The following FOCAD variants were observed in gnomAD, a reference collection of about 807,000 sequenced individuals.
FOCAD encodes KIAA1797.
FOCAD carries 198 observed loss-of-function variants against 225.6 expected under a neutral mutation model. The ratio of observed to expected loss-of-function variants is 0.88; its 90% CI spans 0.78 to 0.99. The LOEUF is 0.99. Ranked by LOEUF, FOCAD falls within the 50% of genes least tolerant of loss-of-function variation. The probability of loss-of-function intolerance (pLI) is 0.00; values close to 1 mark genes in which losing one functional copy is unlikely to be tolerated. For synonymous variants in FOCAD, 897 were observed against 755.0 expected, an observed-to-expected ratio of 1.19 and a Z score of -3.08; for missense variants, 2,713 against 2,123.6, an observed-to-expected ratio of 1.28 and a Z score of -5.46.
At chr9:20,854,285 T>C in intron 15 of FOCAD, among the ~76,000 whole-genome samples, 1 of 151,798 alleles carries the variant, frequency 6.6e-6, no homozygotes, top group Admixed American at 6.6e-5. Context: ...GCTCTGATTC[T>C]TCTGAGGTTC....
chr9:20,754,947 C>T (rs1828917130), intron 5 of FOCAD, among the ~76,000 whole-genome samples: 1 of 152,172 alleles, frequency 6.6e-6, no homozygotes, highest in Admixed American at 6.6e-5. Context: ...ATGTATTACA[C>T]ACCAATTTGA....
rs1224683564 is a variant in FOCAD at position 20,986,285 on chromosome 9, C to A, written c.4729-3C>A. ...TAAACAATTTTTTTTTTTTTTTTTG[C>A]AGAGCAACATAGAAAAAGCTGCCTT... On this transcript the variant is annotated splice_region_variant and splice_polypyrimidine_tract_variant and intron_variant, in intron 39 of 43. Transcript: ENST00000338382. 2.2e-4 allele frequency: 57 copies of A among 262,534 alleles called. No homozygotes were observed. The highest frequency in any genetic ancestry group is 2.8e-4 in the Non-Finnish European group (55 of 195,792). The allele number at this position is 262,534 out of a possible 1,614,324, so 16.3% of individuals were successfully genotyped here. A position where few individuals can be genotyped will look rare whatever the true frequency, so the allele number is the denominator to read the frequency against.
chr9:20,756,506 GA>G (rs1320400568), intron 5 of FOCAD, among the ~76,000 whole-genome samples: 2 of 152,158 alleles, frequency 1.3e-5, no homozygotes, highest in African/African-American at 4.8e-5. Flanking sequence ...ATTACCTGTA[GA>G]ATTTTAAAAA....
At chr9:20,725,734 A>G (rs1305566560) in intron 4 of FOCAD, among the ~76,000 whole-genome samples, 1 of 152,214 alleles carries the variant, frequency 6.6e-6, no homozygotes, top group Non-Finnish European at 1.5e-5. Flanking sequence ...TGTATAGTCT[A>G]ACTTTGAAAA....
chr9:20,867,987 A>G (rs1341364803), intron 18 of FOCAD, among the ~76,000 whole-genome samples: 1 of 152,128 alleles, frequency 6.6e-6, no homozygotes, highest in Non-Finnish European at 1.5e-5. Flanking sequence ...TGTAAAACCA[A>G]TTCCTAAGGC....
intron 28 of FOCAD, among the ~76,000 whole-genome samples, chr9:20,942,320 C>CA (rs1253143573): frequency 6.6e-6 from 1 of 152,164 alleles, no homozygotes; most frequent in Non-Finnish European, 1.5e-5. Flanking sequence ...AGAGGGGCTT[C>CA]AATCTAGGGG....
At chr9:20,738,757 C>T (rs1317225775) in intron 4 of FOCAD, among the ~76,000 whole-genome samples, 3 of 152,150 alleles carry the variant, frequency 2.0e-5, no homozygotes, top group Non-Finnish European at 4.4e-5. Context: ...GAAATATAAT[C>T]TTAGCCACAA....
intron 4 of FOCAD, among the ~76,000 whole-genome samples, chr9:20,726,122 G>C (rs1320184753): frequency 6.6e-6 from 1 of 152,160 alleles, no homozygotes; most frequent in Non-Finnish European, 1.5e-5. Flanking sequence ...GCAGCATATA[G>C]TTTTGTACAC....
chr9:20,672,824 G>T (rs1822112842), intron 2 of FOCAD, among the ~76,000 whole-genome samples: 1 of 152,210 alleles, frequency 6.6e-6, no homozygotes, highest in African/African-American at 2.4e-5. Flanking sequence ...TTATTGTTTA[G>T]CTGGTTAAAC....
chr9:20,892,859 T>C (rs573596948), intron 21 of FOCAD, among the ~76,000 whole-genome samples: 3 of 152,208 alleles, frequency 2.0e-5, no homozygotes, highest in Admixed American at 1.3e-4. Flanking sequence ...GCAAACTTCA[T>C]TGTTATCTTA....
chr9:20,807,415 G>A (rs1334730116), intron 11 of FOCAD, among the ~76,000 whole-genome samples: 2 of 152,242 alleles, frequency 1.3e-5, no homozygotes, highest in East Asian at 3.8e-4. Flanking sequence ...TAAAATATGA[G>A]CTACATACGT....
At chr9:20,750,334 G>T (rs1446700017) in intron 5 of FOCAD, among the ~76,000 whole-genome samples, 1 of 152,122 alleles carries the variant, frequency 6.6e-6, no homozygotes, top group East Asian at 1.9e-4. Flanking sequence ...TGCTGCTTAT[G>T]CTATAATTTA....
intron 2 of FOCAD, among the ~76,000 whole-genome samples, chr9:20,671,559 C>T (rs1363097972): frequency 6.6e-6 from 1 of 152,022 alleles, no homozygotes; most frequent in Non-Finnish European, 1.5e-5. Context: ...ATTGGCCGTC[C>T]TTGCAAGGGA....
intron 8 of FOCAD, among the ~76,000 whole-genome samples, chr9:20,771,931 G>A (rs769072009): frequency 3.3e-5 from 5 of 152,198 alleles, no homozygotes; most frequent in Non-Finnish European, 5.9e-5. Context: ...ATACTATCCA[G>A]ATTGGATTAT....
At chr9:20,957,566 C>A (rs1838293653) in intron 35 of FOCAD, 1 of 143,870 alleles carries the variant, frequency 7.0e-6, no homozygotes, top group Non-Finnish European at 1.5e-5. Context: ...CCTCTGCCTC[C>A]CAGGCTCAAG....
At chr9:20,742,809 A>G (rs1346375497) in intron 5 of FOCAD, among the ~76,000 whole-genome samples, 1 of 152,142 alleles carries the variant, frequency 6.6e-6, no homozygotes, top group Non-Finnish European at 1.5e-5. Context: ...AATTGCTGCA[A>G]GGTGTGAATA....
chr9:20,680,714 C>G (rs140544321), upstream of FOCAD, among the ~76,000 whole-genome samples: 1 of 152,166 alleles, frequency 6.6e-6, no homozygotes, highest in Non-Finnish European at 1.5e-5. Flanking sequence ...CACCTATAAT[C>G]CCAGCATTTT....
chr9:20,813,736 A>G (rs1000113990), intron 11 of FOCAD, among the ~76,000 whole-genome samples: 1 of 152,190 alleles, frequency 6.6e-6, no homozygotes, highest in Non-Finnish European at 1.5e-5. Context: ...TGAGTTTGTT[A>G]GGACCATTTG....
chr9:20,896,459 G>A (rs1441354898), intron 21 of FOCAD, among the ~76,000 whole-genome samples: 3 of 151,848 alleles, frequency 2.0e-5, no homozygotes. Flanking sequence ...TAAATGTTTG[G>A]TAGAGTTCAC....
Sources: gnomAD v4.1 joint callset for allele counts (sites outside exome capture counted in the v4.1 genomes callset) on GRCh38, gnomAD v4.1.1 for gene constraint, MANE v1.5 for transcripts, NCBI Gene and HGNC (gene_info 2026-07-23, HGNC 2026-07-21) for gene names.